The following LINGO1 variants were observed in gnomAD, a reference collection of about 807,000 sequenced individuals.
LINGO1 encodes the protein leucine rich repeat and Ig domain containing 1.
Under a neutral mutation model 37.3 loss-of-function variants are expected in LINGO1, and 11 were observed. The ratio of observed to expected loss-of-function variants is 0.29; its 90% CI spans 0.19 to 0.49. LINGO1 has a LOEUF of 0.49. Among genes scored for constraint, LINGO1 ranks in the 20% least tolerant of loss-of-function variants. LINGO1 has a pLI of 0.99. For missense variants in LINGO1, 585 were observed against 878.2 expected, an observed-to-expected ratio of 0.67 and a Z score of 4.22; for synonymous variants, 387 against 403.0, an observed-to-expected ratio of 0.96 and a Z score of 0.48.
intron 1 of LINGO1, among the ~76,000 whole-genome samples, chr15:77,766,078 T>C (rs2076524916): frequency 6.6e-6 from 1 of 151,904 alleles, no homozygotes; most frequent in African/African-American, 2.4e-5. Context: ...ATCTCTAATA[T>C]GAAAGACAGA....
chr15:77,640,769 A>C (rs948684089), intron 3 of LINGO1, among the ~76,000 whole-genome samples: 6 of 152,142 alleles, frequency 3.9e-5, no homozygotes, highest in Non-Finnish European at 7.4e-5. Flanking sequence ...GGTGAAGGCG[A>C]ATGCTTCAGT....
At chr15:77,718,020 C>T (rs1041733141) in intron 2 of LINGO1, among the ~76,000 whole-genome samples, 4 of 150,764 alleles carry the variant, frequency 2.7e-5, no homozygotes, top group South Asian at 2.1e-4. Flanking sequence ...GGAGCAGGGC[C>T]GAGGCCTGCC....
At chr15:77,769,784 G>C (rs1340705100) in intron 1 of LINGO1, among the ~76,000 whole-genome samples, 1 of 152,172 alleles carries the variant, frequency 6.6e-6, no homozygotes, top group African/African-American at 2.4e-5. Context: ...GACGGGGAGG[G>C]AGGACCTGAA....
At chr15:77,715,650 C>T (rs1416784988) in intron 2 of LINGO1, among the ~76,000 whole-genome samples, 1 of 152,244 alleles carries the variant, frequency 6.6e-6, no homozygotes, top group Non-Finnish European at 1.5e-5. Flanking sequence ...TGTCTGCATG[C>T]AGTAGGTGCC....
chr15:77,760,916 CTTTTTTTTTTTT>C (rs34524098), intron 1 of LINGO1, among the ~76,000 whole-genome samples: 6 of 96,424 alleles, frequency 6.2e-5, no homozygotes, highest in East Asian at 3.1e-4. Context: ...TAATAAGTAT[CTTTTTTTTTTTT>C]TTTTTTTTTT....
At chr15:77,723,536 C>T (rs2076072268) in intron 2 of LINGO1, among the ~76,000 whole-genome samples, 1 of 152,222 alleles carries the variant, frequency 6.6e-6, no homozygotes, top group Admixed American at 6.5e-5. Context: ...CTTAGCACCA[C>T]CTACGAGGCA....
intron 1 of LINGO1, among the ~76,000 whole-genome samples, chr15:77,784,010 G>C (rs565083924): frequency 1.3e-5 from 2 of 152,222 alleles, no homozygotes; most frequent in African/African-American, 4.8e-5. Flanking sequence ...CAGGGAGGAC[G>C]GTGCTGCGCC....
At chr15:77,805,943 G>C (rs950886135) in intron 1 of LINGO1, among the ~76,000 whole-genome samples, 1 of 152,152 alleles carries the variant, frequency 6.6e-6, no homozygotes, top group Non-Finnish European at 1.5e-5. Context: ...CCTCAGGCAG[G>C]GATACCTGAC....
intron 1 of LINGO1, among the ~76,000 whole-genome samples, chr15:77,622,824 G>A (rs765773352): frequency 5.3e-5 from 8 of 152,274 alleles, no homozygotes; most frequent in South Asian, 2.1e-4. Context: ...CCTCCTACTC[G>A]GCCTTCAGAA....
intron 1 of LINGO1, among the ~76,000 whole-genome samples, chr15:77,809,858 C>T (rs111946755): frequency 4.6e-5 from 7 of 152,264 alleles, no homozygotes; most frequent in East Asian, 3.9e-4. Context: ...GCCACTCGTC[C>T]GAGGTGAGGT....
Position 77,780,368 on chromosome 15 carries a change from A to G in LINGO1, c.-257+6501T>C, listed in dbSNP as rs375349717. ...CAACACGCAGCCTAGGCATGGGGAGAGGCTGGGGTACAGGGCCCACCTATC... is the reference window on the plus strand; with the variant it reads ...CAACACGCAGCCTAGGCATGGGGAGGGGCTGGGGTACAGGGCCCACCTATC... On this transcript the variant is annotated intron_variant, in intron 1 of 3. Transcript: ENST00000561686. Among the ~76,000 whole-genome samples, 21 of 152,002 alleles carry G rather than the reference A, an allele frequency of 1.4e-4. No individual in the cohort carries two copies. In the East Asian group the frequency reaches 3.1e-3, roughly 22 times the overall value.
At chr15:77,781,889 C>CA (rs2076721521) in intron 1 of LINGO1, among the ~76,000 whole-genome samples, 1 of 152,252 alleles carries the variant, frequency 6.6e-6, no homozygotes, top group South Asian at 2.1e-4. Flanking sequence ...AGGTTCCTCC[C>CA]ATCTGCAAAA....
intron 1 of LINGO1, among the ~76,000 whole-genome samples, chr15:77,783,041 G>A (rs1158898547): frequency 6.6e-6 from 1 of 151,990 alleles, no homozygotes; most frequent in Non-Finnish European, 1.5e-5. Context: ...CCACCTCCCA[G>A]CCTTTGCCTT....
chr15:77,673,778 C>T (rs904664606), intron 3 of LINGO1, among the ~76,000 whole-genome samples: 1 of 152,138 alleles, frequency 6.6e-6, no homozygotes, highest in African/African-American at 2.4e-5. Flanking sequence ...TCACATACAT[C>T]CACCTGTCAA....
chr15:77,699,848 C>T (rs558666076), upstream of LINGO1, among the ~76,000 whole-genome samples: 1 of 146,976 alleles, frequency 6.8e-6, no homozygotes, highest in African/African-American at 2.5e-5. Flanking sequence ...CTCAAACACA[C>T]TAAGTGCTCA....
At chr15:77,802,881 C>T (rs1202436567) in intron 1 of LINGO1, among the ~76,000 whole-genome samples, 2 of 152,164 alleles carry the variant, frequency 1.3e-5, no homozygotes, top group Non-Finnish European at 2.9e-5. Context: ...CTATTGCTCC[C>T]TGCCCGCACT....
chr15:77,697,203 G>A (rs754575510), upstream of LINGO1, among the ~76,000 whole-genome samples: 2 of 152,212 alleles, frequency 1.3e-5, no homozygotes, highest in South Asian at 2.1e-4. Context: ...AAAGGTCTTC[G>A]GGGTCAGGCG....
chr15:77,760,320 C>A (rs1018026205), intron 1 of LINGO1, among the ~76,000 whole-genome samples: 1 of 152,184 alleles, frequency 6.6e-6, no homozygotes, highest in African/African-American at 2.4e-5. Context: ...TCCAGGCTCC[C>A]GTCCCCCAGC....
chr15:77,634,412 C>T (rs1470337898), upstream of LINGO1: 3 of 449,414 alleles, frequency 6.7e-6, no homozygotes, highest in African/African-American at 4.0e-5. Flanking sequence ...AGCTAGAGTC[C>T]CTCCTAGCAG....
Sources: gnomAD v4.1 joint callset for allele counts (sites outside exome capture counted in the v4.1 genomes callset) on GRCh38, gnomAD v4.1.1 for gene constraint, MANE v1.5 for transcripts, NCBI Gene and HGNC (gene_info 2026-07-23, HGNC 2026-07-21) for gene names.